C12orf54: variants seen among roughly 807,000 people sequenced by gnomAD.
The protein encoded by C12orf54 is uncharacterized protein C12orf54.
In C12orf54, 24 loss-of-function variants were observed where a neutral mutation model predicts 26.4. The observed-to-expected ratio is 0.91, with a 90% confidence interval of 0.66 to 1.28. The LOEUF (loss-of-function observed/expected upper bound fraction) is 1.28. C12orf54 is among the 50% of genes most tolerant of loss of function. The probability of loss-of-function intolerance (pLI) is 0.00; values close to 1 mark genes in which losing one functional copy is unlikely to be tolerated. For missense variants in C12orf54, 154 were observed against 150.9 expected (o/e 1.02, Z -0.11); for synonymous variants, 54 against 47.0 (o/e 1.15, Z -0.61).
At chr12:48,425,879 A>G in the C12orf54 span, among the ~76,000 whole-genome samples, 11 of 148,482 alleles carry the variant, frequency 7.4e-5, no homozygotes, top group South Asian at 2.1e-3. Context: ...TATATCTTCT[A>G]TTGAAAAGTA....
At chr12:48,437,183 C>T in the C12orf54 span, among the ~76,000 whole-genome samples, 1 of 152,160 alleles carries the variant, frequency 6.6e-6, no homozygotes, top group Non-Finnish European at 1.5e-5. Context: ...CACATACATC[C>T]TCCCAAGACT....
chr12:48,476,939 A>G, the C12orf54 span, among the ~76,000 whole-genome samples: 161 of 152,356 alleles, frequency 1.1e-3, no homozygotes, highest in African/African-American at 3.5e-3. Flanking sequence ...TCAACAGAAT[A>G]TACATTCTTT....
chr12:48,449,679 T>C, the C12orf54 span, among the ~76,000 whole-genome samples: 4 of 152,238 alleles, frequency 2.6e-5, no homozygotes, highest in South Asian at 6.2e-4. Context: ...TTTAACTGAA[T>C]GCTTTTCTGA....
intron 2 of C12orf54, 69 bp downstream of exon 2, chr12:48,483,430 C>T: frequency 2.7e-6 from 4 of 1,455,240 alleles, no homozygotes; most frequent in South Asian, 1.2e-5. Flanking sequence ...GAACCAGGGC[C>T]TCCTGTCTTC....
the C12orf54 span, among the ~76,000 whole-genome samples, chr12:48,464,881 A>T: frequency 1.3e-5 from 2 of 152,156 alleles, no homozygotes; most frequent in Non-Finnish European, 2.9e-5. Context: ...GAAGATTGAA[A>T]TTGAACCCCT....
the C12orf54 span, chr12:48,472,618 G>A: frequency 6.2e-7 from 1 of 1,608,328 alleles, no homozygotes; most frequent in Non-Finnish European, 8.5e-7. Flanking sequence ...GGGGTTTATT[G>A]GTTGAATTCC....
chr12:48,428,138 C>T, the C12orf54 span, among the ~76,000 whole-genome samples: 1 of 152,030 alleles, frequency 6.6e-6, no homozygotes, highest in Non-Finnish European at 1.5e-5. Context: ...ACTAGCGACA[C>T]AACCTATCAA....
chr12:48,455,652 A>C, the C12orf54 span, among the ~76,000 whole-genome samples: 1 of 152,212 alleles, frequency 6.6e-6, no homozygotes, highest in Admixed American at 6.5e-5. Flanking sequence ...GTTGAGCAGC[A>C]CCTAAAGATC....
At chr12:48,441,474 A>G in the C12orf54 span, among the ~76,000 whole-genome samples, 4 of 152,086 alleles carry the variant, frequency 2.6e-5, no homozygotes, top group East Asian at 1.9e-4. Context: ...AGAAAAAAAA[A>G]TCCTAAGAGA....
chr12:48,457,680 A>G, the C12orf54 span, among the ~76,000 whole-genome samples: 1 of 152,012 alleles, frequency 6.6e-6, no homozygotes, highest in Non-Finnish European at 1.5e-5. Context: ...CTCTAATGGG[A>G]TGGGGAAGTC....
the C12orf54 span, among the ~76,000 whole-genome samples, chr12:48,470,147 G>A: frequency 2.6e-5 from 4 of 152,144 alleles, no homozygotes; most frequent in East Asian, 1.9e-4. Flanking sequence ...ATAGTGCAGC[G>A]ATGAACATAT....
chr12:48,446,607 T>C, the C12orf54 span, among the ~76,000 whole-genome samples: 1 of 152,176 alleles, frequency 6.6e-6, no homozygotes, highest in Non-Finnish European at 1.5e-5. Context: ...ACTAAGCTCA[T>C]TAGCTAAAAA....
intron 4 of C12orf54, chr12:48,488,318 TACCTACAG>T (rs1937703778): frequency 1.9e-6 from 1 of 537,484 alleles, no homozygotes; most frequent in Admixed American, 2.4e-5. Flanking sequence ...CCAACAGAGA[TACCTACAG>T]ACAGAATGCT....
chr12:48,474,699 G>A, the C12orf54 span, among the ~76,000 whole-genome samples: 14 of 152,286 alleles, frequency 9.2e-5, no homozygotes, highest in Admixed American at 5.2e-4. Context: ...CGGGAGGGGC[G>A]CCCGCCATTG....
At chr12:48,424,378 T>A in the C12orf54 span, among the ~76,000 whole-genome samples, 1 of 152,116 alleles carries the variant, frequency 6.6e-6, no homozygotes, top group Non-Finnish European at 1.5e-5. Context: ...TTTATCTGCT[T>A]CTATGTTTTG....
At chr12:48,477,323 C>G in the C12orf54 span, among the ~76,000 whole-genome samples, 1 of 152,062 alleles carries the variant, frequency 6.6e-6, no homozygotes, top group African/African-American at 2.4e-5. Context: ...ACCCTAACAT[C>G]ACAATTAAAA....
At chr12:48,495,810 A>G (rs1044479976) in intron 8 of C12orf54, among the ~76,000 whole-genome samples, 10 of 152,254 alleles carry the variant, frequency 6.6e-5, no homozygotes, top group Non-Finnish European at 5.9e-5. Flanking sequence ...TCATCAAAAT[A>G]CACAAAGTAT....
At chr12:48,418,102 T>A in the C12orf54 span, among the ~76,000 whole-genome samples, 1 of 152,210 alleles carries the variant, frequency 6.6e-6, no homozygotes, top group African/African-American at 2.4e-5. Context: ...GAGGGGCTGA[T>A]TGAAGCCATG....
intron 6 of C12orf54, among the ~76,000 whole-genome samples, chr12:48,492,148 T>C (rs1937802674): frequency 6.6e-6 from 1 of 152,168 alleles, no homozygotes; most frequent in African/African-American, 2.4e-5. Context: ...TCTTGGGGTC[T>C]TTCTGGAACC....
Sources: allele counts gnomAD v4.1 joint callset (sites outside exome capture counted in the v4.1 genomes callset), GRCh38; gene constraint gnomAD v4.1.1; transcripts MANE v1.5; gene names NCBI Gene and HGNC (gene_info 2026-07-23, HGNC 2026-07-21).